GALNT18: variants seen among roughly 807,000 people sequenced by gnomAD.
The protein encoded by GALNT18 is GalNAc-transferase 18.
In GALNT18, 44 loss-of-function variants were observed where a neutral mutation model predicts 69.5. That is an observed-to-expected ratio of 0.63 (90% confidence interval 0.50 to 0.81). GALNT18 has a LOEUF of 0.81. Ranked by LOEUF, GALNT18 falls within the 40% of genes least tolerant of loss-of-function variation. GALNT18 has a pLI of 0.00. For synonymous variants in GALNT18, 364 were observed against 318.2 expected (o/e 1.14, Z -1.53); for missense variants, 715 against 810.0 (o/e 0.88, Z 1.42).
intron 3 of GALNT18, among the ~76,000 whole-genome samples, chr11:11,380,937 G>C (rs1288687629): frequency 6.6e-6 from 1 of 152,160 alleles, no homozygotes; most frequent in African/African-American, 2.4e-5. Context: ...TGTGACCCCT[G>C]TCCTAAGCTA....
rs895093779 is a variant in GALNT18 at position 11,324,754 on chromosome 11, G to GT, written c.1512+2331dup. On this transcript the variant is annotated intron_variant, in intron 9 of 10. Coordinates refer to ENST00000227756, the MANE Select transcript of GALNT18 (RefSeq NM_198516.3). ...CTTTGGCTTTTTGATGAGAGTATGT[G>GT]TTTTTTTTTTCTTGCTGATCTGTTG... Among the ~76,000 whole-genome samples, 526 of 148,608 alleles carry GT rather than the reference G, an allele frequency of 3.5e-3. 3 individuals are homozygous for GT. Among genetic ancestry groups the GT allele is most frequent in the African/African-American group, 0.011 (451 of 40,642 alleles).
At chr11:11,477,635 T>C (rs1277292586) in intron 1 of GALNT18, among the ~76,000 whole-genome samples, 1 of 152,218 alleles carries the variant, frequency 6.6e-6, no homozygotes, top group East Asian at 1.9e-4. Flanking sequence ...CTAGTAGAAT[T>C]AACAGCGAGT....
At chr11:11,570,646 C>T (rs905204877) in intron 1 of GALNT18, among the ~76,000 whole-genome samples, 1 of 152,250 alleles carries the variant, frequency 6.6e-6, no homozygotes, top group African/African-American at 2.4e-5. Context: ...TATTTCCCTA[C>T]TTACACCTTG....
Position 11,598,085 on chromosome 11 carries a change from T to C in GALNT18, c.235+23274A>G, listed in dbSNP as rs931715209. Among the ~76,000 whole-genome samples, 1 of 152,192 alleles carries C rather than the reference T, an allele frequency of 6.6e-6. No homozygotes were observed. Among genetic ancestry groups the C allele is most frequent in the African/African-American group, 2.4e-5 (1 of 41,456 alleles). On this transcript the variant is annotated intron_variant, in intron 1 of 10. Coordinates refer to ENST00000227756, the MANE Select transcript of GALNT18 (RefSeq NM_198516.3). The surrounding 1 kb of genome is among the most constrained non-coding windows in gnomAD (Gnocchi z 4.8). ...CTATTGGCTTTCTATTCTCCATTTATTTCAGTGCTAATCCTTACCTTTCTT... is the reference window on the plus strand; with the variant it reads ...CTATTGGCTTTCTATTCTCCATTTACTTCAGTGCTAATCCTTACCTTTCTT...
Position 11,288,156 on chromosome 11 carries a change from C to T in GALNT18, c.1677+4873G>A, listed in dbSNP as rs1413244450. Among the ~76,000 whole-genome samples the T allele has an allele frequency of 2.0e-5, 3 of 152,282 alleles. No homozygotes were observed. In the East Asian group the frequency reaches 5.8e-4, roughly 29 times the overall value. On this transcript the variant is annotated intron_variant, in intron 10 of 10. Transcript: ENST00000227756. ...TAAGAACCTTCCCCATTCCTTCCTT[C>T]TGCTTTTAATGTGAAGTCTACCTCC...
intron 6 of GALNT18, among the ~76,000 whole-genome samples, chr11:11,349,571 T>A (rs1850362109): frequency 6.6e-6 from 1 of 152,228 alleles, no homozygotes; most frequent in Non-Finnish European, 1.5e-5. Flanking sequence ...TTGTTGTTTA[T>A]GTGCCCACAA....
In GALNT18 at chr11:11,421,138, G is replaced by A. The variant is rs909031748; in HGVS notation, c.595+11483C>T. On this transcript the variant is annotated intron_variant, in intron 3 of 10. Transcript: ENST00000227756. The surrounding 1 kb of genome is among the most constrained non-coding windows in gnomAD (Gnocchi z 5.6). ...ATTCTCTAAGACAGTTTCCTGTATC[G>A]AGTAAAGGGGACAAGAGGAGTGATG... is the stretch of plus-strand genomic sequence containing the variant. 1.3e-5 allele frequency among the ~76,000 whole-genome samples: 2 copies of A among 152,036 alleles called. No homozygotes were observed. Among genetic ancestry groups the A allele is most frequent in the East Asian group, 1.9e-4 (1 of 5,184 alleles).
chr11:11,510,494 G>A (rs944564390), intron 1 of GALNT18, among the ~76,000 whole-genome samples: 14 of 152,252 alleles, frequency 9.2e-5, no homozygotes, highest in African/African-American at 3.4e-4. Context: ...ACCAGGCACT[G>A]GGCATGCAGA....
chr11:11,588,024 C>T (rs777130615), intron 1 of GALNT18, among the ~76,000 whole-genome samples: 1 of 152,044 alleles, frequency 6.6e-6, no homozygotes, highest in Non-Finnish European at 1.5e-5. Context: ...GGCTCCTAAC[C>T]CTTTCCCCAA....
chr11:11,274,954 A>G (rs1848908941), intron 10 of GALNT18, among the ~76,000 whole-genome samples: 1 of 152,136 alleles, frequency 6.6e-6, no homozygotes, highest in East Asian at 1.9e-4. Context: ...GTGTTGATGG[A>G]TATTTGGGTT....
At position 11,377,222 on chromosome 11, in the gene GALNT18, T is replaced by C; in HGVS notation, c.937A>G (p.Lys313Glu). 1.9e-6 allele frequency: 3 copies of C among 1,613,506 alleles called. No homozygotes were observed. The highest frequency in any genetic ancestry group is 1.8e-4 in the Middle Eastern group (1 of 5,638). The change falls in exon 5 of 11, where the codon AAG becomes GAG. Residue 313 changes from lysine to glutamate, a missense_variant. By Grantham distance (56) the Lys-to-Glu change is moderately conservative (BLOSUM62 1). Transcript: ENST00000227756. The surrounding 1 kb of genome is among the most constrained non-coding windows in gnomAD (Gnocchi z 4.6). The part of the protein sequence containing the change: ...ELWCRYLNPP[K>E]AWWKLENSTA... ...GAGTTCTCCAGCTTCCACCAGGCCT[T>C]GGGGGGATTTAGGTAGCGGCACCAC... is the stretch of plus-strand genomic sequence containing the variant.
intron 1 of GALNT18, among the ~76,000 whole-genome samples, chr11:11,615,779 C>G (rs1425927457): frequency 6.6e-6 from 1 of 152,144 alleles, no homozygotes; most frequent in African/African-American, 2.4e-5. Flanking sequence ...CAGGCAGAGT[C>G]TGGGAGACCC....
chr11:11,465,457 T>G lies in GALNT18; in HGVS notation c.236-16521A>C, dbSNP rs1051040285. On this transcript the variant is annotated intron_variant, in intron 1 of 10. Transcript: ENST00000227756. This position sits in a 1 kb window ranked among gnomAD's most constrained non-coding sequence, Gnocchi z 5.7. ...CCAGGCTGCACGGACGGTGTCACGC[T>G]GCCCTCTGATCCTGGGGCTCGTGAT... 6.6e-6 allele frequency among the ~76,000 whole-genome samples: 1 copy of G among 152,130 alleles called. No individual in the cohort carries two copies. The highest frequency in any genetic ancestry group is 2.4e-5 in the African/African-American group (1 of 41,418).
At chr11:11,491,959 C>T (rs1338492237) in intron 1 of GALNT18, among the ~76,000 whole-genome samples, 1 of 152,178 alleles carries the variant, frequency 6.6e-6, no homozygotes, top group Admixed American at 6.5e-5. Flanking sequence ...AAGCTCATCT[C>T]TCATAGAAAG....
chr11:11,487,522 GAGA>G lies in GALNT18; in HGVS notation c.236-38589_236-38587del, dbSNP rs201678787. On this transcript the variant is annotated intron_variant, in intron 1 of 10. Transcript: ENST00000227756. ...TATATCCAGTGAATATGTAAGTTTT[GAGA>G]CCCACTGAAAATACTCATTCATCTG... Among the ~76,000 whole-genome samples the G allele has an allele frequency of 2.3e-3, 350 of 152,302 alleles. 3 individuals carry two copies. The highest frequency in any genetic ancestry group is 8.2e-3 in the African/African-American group (341 of 41,558).
At chr11:11,486,386 C>T (rs1856646864) in intron 1 of GALNT18, among the ~76,000 whole-genome samples, 1 of 152,148 alleles carries the variant, frequency 6.6e-6, no homozygotes, top group Non-Finnish European at 1.5e-5. Context: ...GTGTAAGCCC[C>T]AAGGTCTTTG....
Position 11,448,889 on chromosome 11 carries a change from A to T in GALNT18, c.283T>A (p.Ser95Thr), listed in dbSNP as rs1357945559. 1 of 1,605,706 alleles carries T rather than the reference A, an allele frequency of 6.2e-7. No individual in the cohort carries two copies. Among genetic ancestry groups the T allele is most frequent in the Admixed American group, 1.7e-5 (1 of 58,794 alleles). ...EEAEAEPFTD[S>T]SLFAHWGQEL... ...TGGCCCCAGTGTGCAAACAGAGAGG[A>T]GTCTGTGAAGGGCTCGGCCTCTGCC... Residue 95 changes from serine (S) to threonine (T), a missense_variant, in exon 2 of 11, where the codon TCC becomes ACC. Ser to Thr is a moderately conservative substitution (Grantham distance 58). Coordinates refer to ENST00000227756, the MANE Select transcript of GALNT18 (RefSeq NM_198516.3).
At chr11:11,424,715 G>A (rs1368727733) in intron 3 of GALNT18, among the ~76,000 whole-genome samples, 3 of 152,122 alleles carry the variant, frequency 2.0e-5, no homozygotes, top group Non-Finnish European at 4.4e-5. Flanking sequence ...GCCAGGGTGC[G>A]TGGGAGCACT....
intron 1 of GALNT18, among the ~76,000 whole-genome samples, chr11:11,527,297 C>CT (rs951672980): frequency 9.9e-5 from 15 of 152,172 alleles, no homozygotes; most frequent in Non-Finnish European, 2.2e-4. Flanking sequence ...ATCTAAGACA[C>CT]TTTTTTGATC....
Sources: gnomAD v4.1 joint callset for allele counts (sites outside exome capture counted in the v4.1 genomes callset) on GRCh38, gnomAD v4.1.1 for gene constraint, Gnocchi (gnomAD v3.1) non-coding constraint, MANE v1.5 for transcripts, NCBI Gene and HGNC (gene_info 2026-07-23, HGNC 2026-07-21) for gene names.